Variants in TAF15 observed in about 807,000 individuals in gnomAD.
The protein encoded by TAF15 is TATA-binding protein-associated factor 2N.
Under a neutral mutation model 102.5 loss-of-function variants are expected in TAF15, and 37 were observed. The ratio of observed to expected loss-of-function variants is 0.36; its 90% CI spans 0.28 to 0.47. The LOEUF (loss-of-function observed/expected upper bound fraction) is 0.47, where lower values mean the gene tolerates loss of function less well. Among genes scored for constraint, TAF15 ranks in the 20% least tolerant of loss-of-function variants. The pLI is 0.99. For synonymous variants in TAF15, 273 were observed against 259.2 expected (o/e 1.05, Z -0.51); for missense variants, 652 against 760.7 (o/e 0.86, Z 1.68).
chr17:35,817,608 T>G (rs2087210231), intron 1 of TAF15, 108 bp from the exon 2 acceptor site: 1 of 925,792 alleles, frequency 1.1e-6, no homozygotes, highest in East Asian at 2.6e-5. Context: ...TTTTTCTTTC[T>G]GCAGTTCTTT....
At chr17:35,843,310 A>G (rs2087570162) in intron 12 of TAF15, among the ~76,000 whole-genome samples, 1 of 151,594 alleles carries the variant, frequency 6.6e-6, no homozygotes, top group Non-Finnish European at 1.5e-5. Flanking sequence ...TTTAGTAGAG[A>G]TGGGGTTTCT....
Position 35,844,543 on chromosome 17 carries a change from G to A in TAF15, c.1244G>A (p.Arg415Gln), listed in dbSNP as rs772779416. The change falls in exon 15 of 16, where the codon CGA becomes CAA. Residue 415 changes from arginine to glutamine, a missense_variant. Physicochemically the swap from Arg to Gln is conservative, Grantham distance 43. This residue lies in a region of TAF15 where 368 missense variants were observed against 367.5 expected (regional missense o/e 1.00). Coordinates refer to ENST00000605844, the MANE Select transcript of TAF15 (RefSeq NM_139215.3). Reference sequence around the variant, plus strand: ...GGTCGTGGGGGCAGAGGTGGAGACCGAGGCGGCTATGGTGGAGACAGAAGT... The same window carrying A: ...GGTCGTGGGGGCAGAGGTGGAGACCAAGGCGGCTATGGTGGAGACAGAAGT... ...YRGRGGRGGD[R>Q]GGYGGDRSGG... 8.1e-6 allele frequency: 13 copies of A among 1,610,542 alleles called. No homozygotes were observed. Among genetic ancestry groups the A allele is most frequent in the African/African-American group, 1.3e-5 (1 of 74,930 alleles).
At chr17:35,815,817 G>T (rs922463018) in intron 1 of TAF15, among the ~76,000 whole-genome samples, 3 of 151,980 alleles carry the variant, frequency 2.0e-5, no homozygotes, top group Non-Finnish European at 4.4e-5. Flanking sequence ...ATTCTTTTCC[G>T]ATTTTTCTTA....
chr17:35,828,219 C>G (rs2087354208), intron 7 of TAF15, among the ~76,000 whole-genome samples: 1 of 152,176 alleles, frequency 6.6e-6, no homozygotes, highest in Non-Finnish European at 1.5e-5. Context: ...TATACAAGGG[C>G]ACTGTATACA....
At chr17:35,827,132 C>T (rs1031631587) in intron 7 of TAF15, among the ~76,000 whole-genome samples, 1 of 151,848 alleles carries the variant, frequency 6.6e-6, no homozygotes, top group Non-Finnish European at 1.5e-5. Flanking sequence ...TGGCTCACAC[C>T]TGTAATCCCA....
intron 11 of TAF15, among the ~76,000 whole-genome samples, chr17:35,839,370 CTTTTTTTTTTTTTTTTTT>C (rs562461506): frequency 3.8e-5 from 2 of 52,420 alleles, no homozygotes; most frequent in East Asian, 4.9e-4. Flanking sequence ...AAGAAATAGA[CTTTTTTTTTTTTTTTTTT>C]TTTTTTTTTT....
chr17:35,838,617 G>A (rs1457794109), intron 11 of TAF15, 64 bp downstream of exon 11: 1 of 1,609,880 alleles, frequency 6.2e-7, no homozygotes, highest in Non-Finnish European at 8.5e-7. Flanking sequence ...CTGAAAGTGA[G>A]AATATGCTCT....
At chr17:35,840,380 T>C (rs1468983195) in intron 11 of TAF15, among the ~76,000 whole-genome samples, 4 of 149,672 alleles carry the variant, frequency 2.7e-5, no homozygotes, top group Non-Finnish European at 5.9e-5. Context: ...GCCTCCCGAG[T>C]AGCTGGGACT....
Position 35,846,902 on chromosome 17 carries a change from C to G in TAF15, c.1740-4C>G, listed in dbSNP as rs1344061633. 2 of 1,614,148 alleles carry G rather than the reference C, an allele frequency of 1.2e-6. No homozygotes were observed. Among genetic ancestry groups the G allele is most frequent in the Non-Finnish European group, 1.7e-6 (2 of 1,180,004 alleles). On this transcript the variant is annotated splice_polypyrimidine_tract_variant and splice_region_variant and intron_variant, in intron 15 of 15. Transcript: ENST00000605844. ...TAGTCCGGCTCTTTATTTTTCATTC[C>G]TAGAAACGACTACAGAAATGATCAG...
chr17:35,810,806 G>A (rs1162447773), intron 1 of TAF15: 1 of 152,188 alleles, frequency 6.6e-6, no homozygotes, highest in Non-Finnish European at 1.5e-5. Context: ...CCTTTGGACA[G>A]GAGCATGCTA....
intron 9 of TAF15, 142 bp downstream of exon 9, chr17:35,834,740 C>CTTTTTTTTGTTTTTTTTT (rs2087451919): frequency 4.7e-6 from 1 of 212,936 alleles, no homozygotes; most frequent in Non-Finnish European, 7.9e-6. Context: ...AGCTTTATTT[C>CTTTTTTTTGTTTTTTTTT]TTTTTTTTTT....
At chr17:35,839,078 C>T (rs1031178509) in intron 11 of TAF15, among the ~76,000 whole-genome samples, 2 of 151,230 alleles carry the variant, frequency 1.3e-5, no homozygotes, top group Admixed American at 1.3e-4. Flanking sequence ...CCAGCCTGGG[C>T]AACATAGAGC....
At chr17:35,835,771 C>T (rs1043328191) in intron 9 of TAF15, among the ~76,000 whole-genome samples, 5 of 152,162 alleles carry the variant, frequency 3.3e-5, no homozygotes, top group African/African-American at 1.2e-4. Context: ...AATGTTTAAC[C>T]GTAAAGAATT....
rs1480459827 is a variant in TAF15, at chr17:35,845,408, C to T, written c.1739+370C>T. 2.0e-5 allele frequency among the ~76,000 whole-genome samples: 3 copies of T among 152,220 alleles called. No individual in the cohort carries two copies. In the East Asian group the frequency reaches 5.8e-4, roughly 29 times the overall value. On this transcript the variant is annotated intron_variant, in intron 15 of 15. Transcript: ENST00000605844. ...TAGCTGGAACTATAGGTGTGTGCCA[C>T]CACACCTCGCCAATTTTTTTTATTT...
Position 35,844,973 on chromosome 17 carries a change from T to TGGAGGAGACCGAGGTGGGGGCTAC in TAF15, c.1692_1715dup (p.Gly565_Gly572dup), listed in dbSNP as rs537726014. ...GAGGAGACAGGAGTGGTGGCGGCTA[T>TGGAGGAGACCGAGGTGGGGGCTAC]GGAGGAGACCGAGGTGGGGGCTACG... On this transcript the variant is annotated inframe_insertion, in exon 15 of 16. Coordinates refer to ENST00000605844, the MANE Select transcript of TAF15 (RefSeq NM_139215.3). The TGGAGGAGACCGAGGTGGGGGCTAC allele has an allele frequency of 7.8e-5, 126 of 1,612,570 alleles. No homozygotes were observed. The highest frequency in any genetic ancestry group is 5.4e-4 in the East Asian group (24 of 44,794).
chr17:35,836,028 T>G (rs556880082), intron 9 of TAF15, 104 bp from the exon 10 acceptor site: 1 of 800,286 alleles, frequency 1.2e-6, no homozygotes, highest in African/African-American at 1.7e-5. Context: ...CTTTTGGTCA[T>G]AGAAACAATT....
intron 7 of TAF15, among the ~76,000 whole-genome samples, chr17:35,828,750 C>A (rs1248847371): frequency 6.6e-6 from 1 of 151,216 alleles, no homozygotes; most frequent in Non-Finnish European, 1.5e-5. Flanking sequence ...TCCATTTCCC[C>A]CTCCGCCCCA....
intron 10 of TAF15, 135 bp from the exon 11 acceptor site, chr17:35,838,289 A>T (rs2087500319): frequency 3.5e-6 from 4 of 1,137,404 alleles, no homozygotes; most frequent in Non-Finnish European, 2.5e-6. Flanking sequence ...CCTACAGGTA[A>T]CTTATTAGGT....
chr17:35,821,598 C>T (rs4251742), intron 5 of TAF15, among the ~76,000 whole-genome samples: 3 of 151,956 alleles, frequency 2.0e-5, no homozygotes, highest in African/African-American at 7.2e-5. Context: ...TTTGTCCCCC[C>T]CCAGCCCATT....
Sources: allele counts gnomAD v4.1 joint callset (sites outside exome capture counted in the v4.1 genomes callset), GRCh38; gene constraint gnomAD v4.1.1; regional missense constraint gnomAD v4.1.1; transcripts MANE v1.5; gene names NCBI Gene and HGNC (gene_info 2026-07-23, HGNC 2026-07-21).